The following MYO9A variants were observed in gnomAD, a reference collection of about 807,000 sequenced individuals.
The protein encoded by MYO9A is unconventional myosin-IXa.
A neutral mutation model predicts 293.3 loss-of-function variants in MYO9A; 103 were observed. The ratio of observed to expected loss-of-function variants is 0.35; its 90% CI spans 0.30 to 0.41. The LOEUF (loss-of-function observed/expected upper bound fraction) is 0.41, where lower values mean the gene tolerates loss of function less well. Among genes scored for constraint, MYO9A ranks in the 10% least tolerant of loss-of-function variants. MYO9A has a pLI of 1.00. For missense variants in MYO9A, 2,685 were observed against 3,033.0 expected (o/e 0.89, Z 2.69); for synonymous variants, 1,001 against 1,035.7 (o/e 0.97, Z 0.64).
chr15:71,903,389 C>G (rs539082893), intron 21 of MYO9A, among the ~76,000 whole-genome samples: 8 of 152,154 alleles, frequency 5.3e-5, no homozygotes, highest in African/African-American at 1.9e-4. Context: ...AAAAAAAAAG[C>G]AAACGTGGCA....
intron 9 of MYO9A, among the ~76,000 whole-genome samples, chr15:71,995,535 T>C (rs928102583): frequency 1.3e-5 from 2 of 151,712 alleles, no homozygotes; most frequent in African/African-American, 4.8e-5. Context: ...AACAAAGAAT[T>C]TCACCATTTA....
At chr15:72,109,405 T>A (rs28651063) in intron 1 of MYO9A, among the ~76,000 whole-genome samples, 11 of 142,912 alleles carry the variant, frequency 7.7e-5, no homozygotes, top group African/African-American at 2.7e-4. Flanking sequence ...AAAAAAAAAA[T>A]ACACACACAC....
chr15:72,054,723 A>AATGTTT (rs1207252902), intron 1 of MYO9A, among the ~76,000 whole-genome samples: 1 of 149,646 alleles, frequency 6.7e-6, no homozygotes, highest in Non-Finnish European at 1.5e-5. Flanking sequence ...TTGTGAGTGA[A>AATGTTT]ATGTTTATTA....
chr15:72,109,032 G>A (rs1359884254), intron 1 of MYO9A, among the ~76,000 whole-genome samples: 2 of 152,072 alleles, frequency 1.3e-5, no homozygotes, highest in Admixed American at 6.6e-5. Flanking sequence ...CAAAGTGCTG[G>A]GGTTACAGAT....
At chr15:71,840,670 C>G (rs528452744) in intron 39 of MYO9A, among the ~76,000 whole-genome samples, 1 of 152,214 alleles carries the variant, frequency 6.6e-6, no homozygotes, top group African/African-American at 2.4e-5. Context: ...TGCTCTGTCG[C>G]CCAGGCTGGA....
chr15:71,951,667 T>G, intron 15 of MYO9A, 110 bp downstream of exon 15: 1 of 1,256,316 alleles, frequency 8.0e-7, no homozygotes, highest in Non-Finnish European at 1.1e-6. Context: ...CAGAGGTTTA[T>G]GGAGGCCATG....
chr15:72,076,703 C>T (rs777602744), intron 1 of MYO9A, among the ~76,000 whole-genome samples: 1 of 152,158 alleles, frequency 6.6e-6, no homozygotes, highest in Non-Finnish European at 1.5e-5. Context: ...CAATCTCAAT[C>T]AAAATCCCAG....
chr15:72,074,438 C>CAAA (rs1420425440), intron 1 of MYO9A, among the ~76,000 whole-genome samples: 18 of 152,116 alleles, frequency 1.2e-4, no homozygotes, highest in South Asian at 8.3e-4. Flanking sequence ...ACAACAACAA[C>CAAA]AAAAAACAAT....
At chr15:72,104,937 C>G (rs1156360371) in intron 1 of MYO9A, among the ~76,000 whole-genome samples, 1 of 152,096 alleles carries the variant, frequency 6.6e-6, no homozygotes, top group Non-Finnish European at 1.5e-5. Context: ...ACAATGTATC[C>G]TTACATGAAA....
rs1032932837 is a variant in MYO9A, at chr15:71,849,932, C to T, written c.6713+104G>A. 23 of 937,978 alleles carry T rather than the reference C, an allele frequency of 2.5e-5. No individual in the cohort carries two copies. The Middle Eastern group carries it at 8.3e-4, about 34-fold the overall frequency. 58.1% of individuals were successfully genotyped at this position (937,978 alleles called of 1,614,324 possible). A position where few individuals can be genotyped will look rare whatever the true frequency, so the allele number is the denominator to read the frequency against. On this transcript the variant is annotated intron_variant, in intron 38 of 41. Coordinates refer to ENST00000356056, the MANE Select transcript of MYO9A (RefSeq NM_006901.4). The stretch of plus-strand genomic sequence containing the variant: ...CAGTGTCCAACAATCTTCTTAAAAA[C>T]ACCTGAATTTATGAACCCATTCACT...
chr15:71,921,472 C>CA (rs2058153527), intron 18 of MYO9A, among the ~76,000 whole-genome samples: 1 of 152,134 alleles, frequency 6.6e-6, no homozygotes, highest in Admixed American at 6.5e-5. Flanking sequence ...CCCTTCCACC[C>CA]ACTCCTTCTC....
chr15:71,926,487 C>T (rs1327166766), intron 18 of MYO9A, among the ~76,000 whole-genome samples: 1 of 152,130 alleles, frequency 6.6e-6, no homozygotes, highest in Non-Finnish European at 1.5e-5. Context: ...GGCAGAAAGA[C>T]TGCTTGAGGT....
intron 13 of MYO9A, among the ~76,000 whole-genome samples, chr15:71,965,130 A>G: frequency 6.6e-6 from 1 of 151,680 alleles, no homozygotes; most frequent in East Asian, 1.9e-4. Context: ...AATTTATTAT[A>G]AGTAATTTAT....
At chr15:72,000,998 T>A (rs2076848222) in intron 8 of MYO9A, among the ~76,000 whole-genome samples, 2 of 152,174 alleles carry the variant, frequency 1.3e-5, no homozygotes, top group South Asian at 4.1e-4. Context: ...AGTAGAAGGT[T>A]AGAGCATACA....
rs111681656 is a variant in MYO9A at position 71,951,628 on chromosome 15, A to G, written c.2302+149T>C. 9.4e-5 allele frequency: 76 copies of G among 810,382 alleles called. No individual in the cohort carries two copies. In the African/African-American group the frequency reaches 1.2e-3, roughly 13 times the overall value. 50.2% of individuals were successfully genotyped at this position (810,382 alleles called of 1,614,324 possible). A position where few individuals can be genotyped will look rare whatever the true frequency, so the allele number is the denominator to read the frequency against. On this transcript the variant is annotated intron_variant, in intron 15 of 41. Coordinates refer to ENST00000356056, the MANE Select transcript of MYO9A (RefSeq NM_006901.4). ...CAGTATTTTCAAAAGAAAGTACTAA[A>G]GACTCAATAGAAATATTCAAAGACT...
At chr15:71,936,529 A>C (rs1420476196) in intron 16 of MYO9A, among the ~76,000 whole-genome samples, 1 of 152,180 alleles carries the variant, frequency 6.6e-6, no homozygotes, top group South Asian at 2.1e-4. Context: ...GAGACGACGA[A>C]TATGGTAATT....
intron 1 of MYO9A, among the ~76,000 whole-genome samples, chr15:72,053,474 C>T (rs749181358): frequency 1.3e-5 from 2 of 152,058 alleles, no homozygotes; most frequent in Non-Finnish European, 2.9e-5. Flanking sequence ...GAATACTATG[C>T]AGCCATAAAA....
intron 32 of MYO9A, among the ~76,000 whole-genome samples, chr15:71,863,055 AGCTGGGATTACAGGC>A (rs1489150729): frequency 6.6e-6 from 1 of 150,774 alleles, no homozygotes; most frequent in Non-Finnish European, 1.5e-5. Flanking sequence ...CCTCCCAAAT[AGCTGGGATTACAGGC>A]GCCTACCACT....
chr15:72,106,121 A>C (rs1185764760), intron 1 of MYO9A, among the ~76,000 whole-genome samples: 1 of 152,202 alleles, frequency 6.6e-6, no homozygotes, highest in Non-Finnish European at 1.5e-5. Context: ...GATTAATCAA[A>C]GACTTACAAA....
Sources: gnomAD v4.1 joint callset for allele counts (sites outside exome capture counted in the v4.1 genomes callset) on GRCh38, gnomAD v4.1.1 for gene constraint, MANE v1.5 for transcripts, NCBI Gene and HGNC (gene_info 2026-07-23, HGNC 2026-07-21) for gene names.